The following MAP4K4 variants were observed in gnomAD, a reference collection of about 807,000 sequenced individuals.
MAP4K4 encodes the protein mitogen-activated protein kinase kinase kinase kinase 4.
In MAP4K4, 38 loss-of-function variants were observed where a neutral mutation model predicts 189.6. The ratio of observed to expected loss-of-function variants is 0.20; its 90% CI spans 0.15 to 0.26. The LOEUF is 0.26. Ranked by LOEUF, MAP4K4 falls within the 10% of genes least tolerant of loss-of-function variation. The pLI is 1.00. For missense variants in MAP4K4, 1,054 were observed against 1,726.9 expected, an observed-to-expected ratio of 0.61 and a Z score of 6.91; for synonymous variants, 610 against 624.3, an observed-to-expected ratio of 0.98 and a Z score of 0.34.
rs756344700 is a variant in MAP4K4, at chr2:101,860,877, A to T, written c.1757A>T (p.Lys586Met). ...CACAGCTCCCCTGAAGCCCAGTCTA[A>T]GCAGACAGGCAGAGTATTGGAGCCA... Residue 586 changes from lysine (K) to methionine (M), a missense_variant, in exon 16 of 33, where the codon AAG becomes ATG. Transcript: ENST00000324219. 7 of 1,609,510 alleles carry T rather than the reference A, an allele frequency of 4.3e-6. No individual in the cohort carries two copies. In the East Asian group the frequency reaches 1.3e-4, roughly 31 times the overall value.
At chr2:101,737,849 T>C (rs2061104797) in intron 2 of MAP4K4, among the ~76,000 whole-genome samples, 1 of 152,130 alleles carries the variant, frequency 6.6e-6, no homozygotes, top group African/African-American at 2.4e-5. Context: ...TAGGCTCCTG[T>C]CACCTTTAAC....
chr2:101,853,682 G>A (rs1441729504), intron 12 of MAP4K4, among the ~76,000 whole-genome samples: 3 of 151,986 alleles, frequency 2.0e-5, no homozygotes, highest in Non-Finnish European at 4.4e-5. Context: ...ATGAGAAAGG[G>A]CTCACACAAA....
chr2:101,758,065 A>C (rs1419829012), intron 2 of MAP4K4, among the ~76,000 whole-genome samples: 1 of 152,208 alleles, frequency 6.6e-6, no homozygotes, highest in Non-Finnish European at 1.5e-5. Context: ...CATTGTAAGA[A>C]AAGTTATGTG....
At chr2:101,861,039 G>T in intron 16 of MAP4K4, 53 bp downstream of exon 16, 1 of 1,500,570 alleles carries the variant, frequency 6.7e-7, no homozygotes, top group South Asian at 1.3e-5. Flanking sequence ...ACGGCTCGCT[G>T]AGCCGCAGGC....
At chr2:101,743,458 A>G (rs1178968219) in intron 2 of MAP4K4, among the ~76,000 whole-genome samples, 2 of 152,120 alleles carry the variant, frequency 1.3e-5, no homozygotes, top group Non-Finnish European at 2.9e-5. Context: ...AGTAACAGCC[A>G]TCCTTTTCAG....
intron 30 of MAP4K4, 52 bp downstream of exon 30, chr2:101,887,289 G>A (rs1433784921): frequency 1.3e-6 from 2 of 1,561,374 alleles, no homozygotes; most frequent in East Asian, 2.3e-5. Context: ...ATTTTGTTTT[G>A]ACTTTCTTCT....
At chr2:101,783,616 A>G (rs2088972506) in intron 2 of MAP4K4, among the ~76,000 whole-genome samples, 1 of 152,238 alleles carries the variant, frequency 6.6e-6, no homozygotes, top group African/African-American at 2.4e-5. Flanking sequence ...TGAAATTGAC[A>G]TGCCTAATAG....
chr2:101,820,243 G>T (rs1232727860), intron 3 of MAP4K4, among the ~76,000 whole-genome samples: 1 of 152,176 alleles, frequency 6.6e-6, no homozygotes, highest in African/African-American at 2.4e-5. Context: ...CTTTCAAGAA[G>T]TGAAAGCTAC....
chr2:101,824,039 G>A (rs1482809315), exon 4 of MAP4K4: 1 of 1,549,746 alleles, frequency 6.5e-7, no homozygotes, highest in Admixed American at 1.8e-5. Context: ...TCCAGGACAT[G>A]ATGACCAACT....
intron 2 of MAP4K4, among the ~76,000 whole-genome samples, chr2:101,713,035 C>G (rs1024467986): frequency 1.3e-5 from 2 of 151,376 alleles, no homozygotes; most frequent in Non-Finnish European, 2.9e-5. Flanking sequence ...TCCTGAGTAG[C>G]TGGAATTACA....
chr2:101,858,811 T>C (rs904036644), intron 13 of MAP4K4, among the ~76,000 whole-genome samples, 185 bp from the exon 14 acceptor site: 12 of 152,344 alleles, frequency 7.9e-5, no homozygotes, highest in African/African-American at 2.6e-4. Flanking sequence ...TTAGACTCCT[T>C]AGGTCTTACT....
At chr2:101,864,965 G>T in exon 18 of MAP4K4, 1 of 1,578,830 alleles carries the variant, frequency 6.3e-7, no homozygotes, top group Non-Finnish European at 8.6e-7. Context: ...CCCCTGTTCT[G>T]TCCCGTCGAG....
intron 17 of MAP4K4, among the ~76,000 whole-genome samples, chr2:101,864,468 T>C (rs544596518): frequency 3.3e-5 from 5 of 152,342 alleles, no homozygotes; most frequent in Admixed American, 3.3e-4. Context: ...GTTTTTGTGT[T>C]TACATAATAG....
intron 3 of MAP4K4, among the ~76,000 whole-genome samples, chr2:101,794,205 A>G (rs1349161938): frequency 6.6e-6 from 1 of 152,214 alleles, no homozygotes; most frequent in Non-Finnish European, 1.5e-5. Context: ...TTTGTTTTAA[A>G]TAATGACAGA....
rs116825037 is a variant in MAP4K4, at chr2:101,835,017, A to T, written c.694+554A>T. Among the ~76,000 whole-genome samples the T allele has an allele frequency of 9.2e-3, 1,409 of 152,338 alleles. 27 individuals are homozygous for T. Among genetic ancestry groups the T allele is most frequent in the African/African-American group, 0.032 (1,338 of 41,574 alleles). The stretch of plus-strand genomic sequence containing the variant: ...ACTGCATTTTCTGCTGGTCCCCATT[A>T]AAAAAGGTATACACAAAGAATGTAT... On this transcript the variant is annotated intron_variant, in intron 8 of 32. Transcript: ENST00000324219.
chr2:101,856,404 A>C (rs1179598756), intron 13 of MAP4K4, among the ~76,000 whole-genome samples: 2 of 152,210 alleles, frequency 1.3e-5, no homozygotes, highest in African/African-American at 4.8e-5. Context: ...AAATAGTATA[A>C]TACCTGAAAG....
intron 5 of MAP4K4, among the ~76,000 whole-genome samples, chr2:101,827,811 C>T (rs911063338): frequency 6.6e-6 from 1 of 152,212 alleles, no homozygotes; most frequent in African/African-American, 2.4e-5. Flanking sequence ...TGTATGACAA[C>T]CTTTGCCTGC....
intron 10 of MAP4K4, among the ~76,000 whole-genome samples, chr2:101,840,830 G>C (rs1029054195): frequency 6.6e-6 from 1 of 152,192 alleles, no homozygotes; most frequent in African/African-American, 2.4e-5. Context: ...AGGCCTTTCT[G>C]CCTGTACTGG....
intron 27 of MAP4K4, among the ~76,000 whole-genome samples, chr2:101,881,231 C>G (rs957072822): frequency 1.3e-5 from 2 of 151,876 alleles, no homozygotes; most frequent in Non-Finnish European, 2.9e-5. Context: ...TTTTTAAGTA[C>G]TAGTATAAAT....
Sources: allele counts gnomAD v4.1 joint callset (sites outside exome capture counted in the v4.1 genomes callset), GRCh38; gene constraint gnomAD v4.1.1; transcripts MANE v1.5; gene names NCBI Gene and HGNC (gene_info 2026-07-23, HGNC 2026-07-21).